Variants in BCHE observed in about 807,000 individuals in gnomAD.
The protein encoded by BCHE is cholinesterase.
BCHE carries 48 observed loss-of-function variants against 51.3 expected under a neutral mutation model. The observed-to-expected ratio is 0.94, with a 90% confidence interval of 0.74 to 1.19. The LOEUF (loss-of-function observed/expected upper bound fraction) is 1.19, where lower values mean the gene tolerates loss of function less well. Ranked by LOEUF, BCHE falls within the 50% of genes most tolerant of loss-of-function variation. The pLI is 0.00. For missense variants in BCHE, 847 were observed against 708.2 expected, an observed-to-expected ratio of 1.20 and a Z score of -2.23; for synonymous variants, 251 against 238.0, an observed-to-expected ratio of 1.05 and a Z score of -0.50.
chr3:165,775,233 C>T (rs912023644), intron 3 of BCHE, among the ~76,000 whole-genome samples: 2 of 151,826 alleles, frequency 1.3e-5, no homozygotes, highest in African/African-American at 4.8e-5. Flanking sequence ...TACAATATCC[C>T]TTGTAATTTA....
intron 2 of BCHE, among the ~76,000 whole-genome samples, chr3:165,788,493 G>A (rs190070592): frequency 6.6e-6 from 1 of 152,222 alleles, no homozygotes; most frequent in African/African-American, 2.4e-5. Flanking sequence ...TGGCACAATT[G>A]TCTAGGTAAA....
chr3:165,776,561 A>C (rs1348376025), intron 3 of BCHE, among the ~76,000 whole-genome samples: 2 of 151,958 alleles, frequency 1.3e-5, no homozygotes, highest in Non-Finnish European at 2.9e-5. Context: ...TGGAGGCTTG[A>C]TACTAAATTC....
At chr3:165,833,437 A>G (rs1027082193) in intron 1 of BCHE, among the ~76,000 whole-genome samples, 2 of 152,142 alleles carry the variant, frequency 1.3e-5, no homozygotes, top group Admixed American at 6.6e-5. Flanking sequence ...TCTGTATAAC[A>G]TGTTCCTGAA....
chr3:165,788,811 A>G (rs1004242109), intron 2 of BCHE, among the ~76,000 whole-genome samples: 1 of 152,188 alleles, frequency 6.6e-6, no homozygotes, highest in African/African-American at 2.4e-5. Flanking sequence ...GAAATAACTC[A>G]TGACATACCA....
intron 2 of BCHE, among the ~76,000 whole-genome samples, chr3:165,808,674 G>T (rs966085526): frequency 1.4e-4 from 21 of 152,142 alleles, no homozygotes; most frequent in African/African-American, 5.1e-4. Context: ...CACTTTGAGA[G>T]GATTGTTTGA....
intron 1 of BCHE, among the ~76,000 whole-genome samples, chr3:165,835,057 T>C (rs961313588): frequency 2.6e-5 from 4 of 151,848 alleles, no homozygotes; most frequent in African/African-American, 9.7e-5. Flanking sequence ...ACCATTCTAG[T>C]TTTTGAGGAA....
chr3:165,821,821 AG>A (rs1048125180), intron 2 of BCHE, among the ~76,000 whole-genome samples: 8 of 151,892 alleles, frequency 5.3e-5, no homozygotes, highest in Non-Finnish European at 7.4e-5. Flanking sequence ...GTGTATTAAC[AG>A]CATTTGGCTT....
chr3:165,803,939 C>A (rs1001349706), intron 2 of BCHE, among the ~76,000 whole-genome samples: 13 of 152,000 alleles, frequency 8.6e-5, no homozygotes, highest in Admixed American at 6.6e-5. Flanking sequence ...TGATATCACC[C>A]ATGGAATAAA....
chr3:165,830,090 G>A lies in BCHE; in HGVS notation c.944C>T (p.Ser315Leu), dbSNP rs1220118480. 2 of 1,613,534 alleles carry A rather than the reference G, an allele frequency of 1.2e-6. No individual in the cohort carries two copies. The highest frequency in any genetic ancestry group is 1.3e-5 in the African/African-American group (1 of 74,860). ...AFVVPYGTPL[S>L]VNFGPTVDGD... is the part of the protein sequence containing the mutation. ...ATCCACGGTCGGACCAAAGTTTACT[G>A]ACAAAGGAGTCCCATAGGGGACAAC... is the stretch of plus-strand genomic sequence containing the variant. The change falls in exon 2 of 4, where the codon TCA (serine) becomes TTA (leucine). Residue 315 changes from serine (S) to leucine (L), a missense_variant. Physicochemically the swap from Ser to Leu is moderately radical, Grantham distance 145. Coordinates refer to ENST00000264381, the MANE Select transcript of BCHE (RefSeq NM_000055.4).
chr3:165,791,195 T>C (rs771137701), intron 2 of BCHE, among the ~76,000 whole-genome samples: 4 of 150,450 alleles, frequency 2.7e-5, no homozygotes, highest in Admixed American at 6.6e-5. Flanking sequence ...CTCGGGAGGC[T>C]GAGGCAGGAG....
At chr3:165,783,304 C>T (rs1712784423) in intron 3 of BCHE, among the ~76,000 whole-genome samples, 1 of 152,046 alleles carries the variant, frequency 6.6e-6, no homozygotes, top group South Asian at 2.1e-4. Context: ...CTAGTATAAA[C>T]TTAGGCTAGG....
intron 2 of BCHE, among the ~76,000 whole-genome samples, chr3:165,803,150 AAAT>A (rs1414540776): frequency 1.3e-5 from 2 of 152,212 alleles, no homozygotes; most frequent in African/African-American, 4.8e-5. Flanking sequence ...TCTACATAAT[AAAT>A]AATTAATCAT....
At chr3:165,829,132 G>A (rs1306220183) in intron 2 of BCHE, among the ~76,000 whole-genome samples, 1 of 151,992 alleles carries the variant, frequency 6.6e-6, no homozygotes, top group Non-Finnish European at 1.5e-5. Flanking sequence ...GAAGAGCTTG[G>A]GAAGAAATAG....
At position 165,798,803 on chromosome 3, in the gene BCHE, A is replaced by ACATAGTGAGCTCCC. The variant is rs1251291328; in HGVS notation, c.1518-12506_1518-12493dup. ...CTAGGTTTCTAGATATGCCTGGGCA[A>ACATAGTGAGCTCCC]CATAGTGAGCTCCCCATCTGAACAA... On this transcript the variant is annotated intron_variant, in intron 2 of 3. Coordinates refer to ENST00000264381, the MANE Select transcript of BCHE (RefSeq NM_000055.4). Among the ~76,000 whole-genome samples, 9 of 136,362 alleles carry ACATAGTGAGCTCCC rather than the reference A, an allele frequency of 6.6e-5. No homozygotes were observed. In the East Asian group the frequency reaches 9.0e-4, roughly 14 times the overall value. 89.5% of individuals were successfully genotyped at this position (136,362 alleles called of 152,430 possible). A position where few individuals can be genotyped will look rare whatever the true frequency, so the allele number is the denominator to read the frequency against.
chr3:165,808,761 T>C (rs917707858), intron 2 of BCHE, among the ~76,000 whole-genome samples: 2 of 152,056 alleles, frequency 1.3e-5, no homozygotes, highest in Non-Finnish European at 2.9e-5. Context: ...AGCAAGATCC[T>C]GTCTTTTCAA....
At chr3:165,831,616 C>T (rs1186237716) in intron 1 of BCHE, among the ~76,000 whole-genome samples, 2 of 152,098 alleles carry the variant, frequency 1.3e-5, no homozygotes, top group South Asian at 2.1e-4. Flanking sequence ...TCCTATTATA[C>T]AAACTGAAGA....
chr3:165,829,630 A>C lies in BCHE; in HGVS notation c.1404T>G (p.Tyr468Ter), dbSNP rs1714867958. The C allele has an allele frequency of 6.2e-7, 1 of 1,613,726 alleles. No individual in the cohort carries two copies. Among genetic ancestry groups the C allele is most frequent in the East Asian group, 2.2e-5 (1 of 44,878 alleles). Residue 468 changes from tyrosine to a stop codon, truncating the protein, a stop_gained, in exon 2 of 4, where the codon TAT becomes TAG. Coordinates refer to ENST00000264381, the MANE Select transcript of BCHE (RefSeq NM_000055.4). LOFTEE classifies it high-confidence loss of function. ...WPEWMGVMHG[Y>*]EIEFVFGLPL... The stretch of plus-strand genomic sequence containing the variant: ...GTAAACCAAAGACAAATTCAATTTC[A>C]TAGCCATGCATCACTCCCATCCATT...
chr3:165,812,932 C>T (rs1392786371), intron 2 of BCHE, among the ~76,000 whole-genome samples: 1 of 151,920 alleles, frequency 6.6e-6, no homozygotes, highest in African/African-American at 2.4e-5. Context: ...ACCTCTTTCT[C>T]TGTGTCCTCA....
At chr3:165,809,638 A>G (rs1299153304) in intron 2 of BCHE, among the ~76,000 whole-genome samples, 1 of 152,132 alleles carries the variant, frequency 6.6e-6, no homozygotes, top group Non-Finnish European at 1.5e-5. Context: ...GGCAAATTGT[A>G]TTAAGGCAAA....
Sources: gnomAD v4.1 joint callset for allele counts (sites outside exome capture counted in the v4.1 genomes callset) on GRCh38, gnomAD v4.1.1 for gene constraint, MANE v1.5 for transcripts, NCBI Gene and HGNC (gene_info 2026-07-23, HGNC 2026-07-21) for gene names.